Variants in ARFRP1 observed in about 807,000 individuals in gnomAD.
ARFRP1 encodes ADP-ribosylation factor-related protein 1.
Under a neutral mutation model 30.3 loss-of-function variants are expected in ARFRP1, and 19 were observed. That is an observed-to-expected ratio of 0.63 (90% CI 0.44 to 0.92). The LOEUF is 0.92. Among genes scored for constraint, ARFRP1 ranks in the 40% least tolerant of loss-of-function variants. The probability of loss-of-function intolerance (pLI) is 0.00; values close to 1 mark genes in which losing one functional copy is unlikely to be tolerated. For missense variants in ARFRP1, 245 were observed against 267.5 expected, an observed-to-expected ratio of 0.92 and a Z score of 0.59; for synonymous variants, 133 against 114.2, an observed-to-expected ratio of 1.16 and a Z score of -1.05.
chr20:63,701,112 C>T (rs960932725), intron 6 of ARFRP1: 1 of 410,312 alleles, frequency 2.4e-6, no homozygotes, highest in East Asian at 7.1e-5. Context: ...GTGGCTTCTG[C>T]TCACAACCAC....
intron 5 of ARFRP1, 118 bp from the exon 6 acceptor site, chr20:63,702,018 C>T: frequency 8.1e-7 from 1 of 1,238,642 alleles, no homozygotes; most frequent in Non-Finnish European, 1.1e-6. Context: ...CCCCCGTCAC[C>T]CACTAGGCAG....
At position 63,700,656 on chromosome 20, in the gene ARFRP1, G is replaced by A. The variant is rs376358129; in HGVS notation, c.464C>T (p.Thr155Ile). The change falls in exon 7 of 8, where the codon ACC becomes ATC. Residue 155 changes from threonine to isoleucine, a missense_variant. Transcript: ENST00000622789. ...GCAATCTCGCCTGCCGATCTTGCTG[G>A]TGCAGTCGCTGAAGGCCGTCTTGAT... The part of the protein sequence containing the change: ...PDIKTAFSDC[T>I]SKIGRRDCLT... The A allele has an allele frequency of 4.3e-6, 7 of 1,610,914 alleles. No individual in the cohort carries two copies. Among genetic ancestry groups the A allele is most frequent in the Non-Finnish European group, 5.9e-6 (7 of 1,179,880 alleles).
chr20:63,699,952 T>C lies in ARFRP1; in HGVS notation c.*491A>G. Reference sequence around the variant, plus strand: ...GCCTTTGGGAACATGGCCTGGGTCTTCCTCAAGGCAAGATCAGCCCCAGAC... The same window carrying C: ...GCCTTTGGGAACATGGCCTGGGTCTCCCTCAAGGCAAGATCAGCCCCAGAC... On this transcript the variant is annotated 3_prime_UTR_variant, in exon 8 of 8. Coordinates refer to ENST00000622789, the MANE Select transcript of ARFRP1 (RefSeq NM_001267547.3). 1 of 188,108 alleles carries C rather than the reference T, an allele frequency of 5.3e-6. No homozygotes were observed. Among genetic ancestry groups the C allele is most frequent in the South Asian group, 1.0e-4 (1 of 9,854 alleles). The allele number at this position is 188,108 out of a possible 1,614,324, so 11.7% of individuals were successfully genotyped here. A position where few individuals can be genotyped will look rare whatever the true frequency, so the allele number is the denominator to read the frequency against.
At chr20:63,706,786 G>A in intron 2 of ARFRP1, 48 bp from the exon 3 acceptor site, 1 of 1,462,788 alleles carries the variant, frequency 6.8e-7, no homozygotes. Context: ...GGCTATACTG[G>A]CTTCCAAATA....
chr20:63,702,341 C>G, intron 4 of ARFRP1, 124 bp from the exon 5 acceptor site: 1 of 856,490 alleles, frequency 1.2e-6, no homozygotes, highest in Middle Eastern at 2.4e-4. Context: ...CAGCCCCCAA[C>G]TGCAAGACCC....
intron 6 of ARFRP1, chr20:63,701,090 T>G (rs546385585): frequency 1.6e-4 from 63 of 400,824 alleles, no homozygotes; most frequent in African/African-American, 1.2e-3. Context: ...ATGGAGGCAG[T>G]CTGCAGTCAT....
rs2091062477 is a variant in ARFRP1, at chr20:63,699,083, C to T, written c.*1360G>A. 1.3e-5 allele frequency: 2 copies of T among 152,348 alleles called. No homozygotes were observed. Among genetic ancestry groups the T allele is most frequent in the South Asian group, 4.1e-4 (2 of 4,832 alleles). The allele number at this position is 152,348 out of a possible 1,614,324, so 9.4% of individuals were successfully genotyped here. ...ATGCTTTCCGGGAAGTGAAGCTTCT[C>T]CCTCTCTGGGGCAGGCTCTGAAGCC... is the stretch of plus-strand genomic sequence containing the variant. On this transcript the variant is annotated 3_prime_UTR_variant, in exon 8 of 8. Coordinates refer to ENST00000622789, the MANE Select transcript of ARFRP1 (RefSeq NM_001267547.3).
chr20:63,701,998 G>GGGCCCC, intron 5 of ARFRP1, 98 bp from the exon 6 acceptor site: 1 of 583,916 alleles, frequency 1.7e-6, no homozygotes, highest in Non-Finnish European at 2.6e-6. Flanking sequence ...CACTCCCTCT[G>GGGCCCC]CCCCCCCCCC....
Position 63,700,040 on chromosome 20 carries a change from C to G in ARFRP1, c.*403G>C, listed in dbSNP as rs1045841282. 1 of 259,662 alleles carries G rather than the reference C, an allele frequency of 3.9e-6. No individual in the cohort carries two copies. Among genetic ancestry groups the G allele is most frequent in the Non-Finnish European group, 7.6e-6 (1 of 131,056 alleles). The allele number at this position is 259,662 out of a possible 1,614,324, so 16.1% of individuals were successfully genotyped here. On this transcript the variant is annotated 3_prime_UTR_variant, in exon 8 of 8. Transcript: ENST00000622789. ...GAAGCCAGATGGCAGCCATGGCTGA[C>G]GGGCCTCCTCCTCGATGGGGCGGAG... is the stretch of plus-strand genomic sequence containing the variant.
chr20:63,701,451 A>C, intron 6 of ARFRP1: 1 of 492,448 alleles, frequency 2.0e-6, no homozygotes, highest in East Asian at 5.1e-5. Flanking sequence ...GGGTAGCAGG[A>C]ACAGGTAAGG....
rs551852351 is a variant in ARFRP1, at chr20:63,699,655, G to C, written c.*788C>G. 1 of 152,828 alleles carries C rather than the reference G, an allele frequency of 6.5e-6. No homozygotes were observed. Among genetic ancestry groups the C allele is most frequent in the Admixed American group, 6.5e-5 (1 of 15,328 alleles). 9.5% of individuals were successfully genotyped at this position (152,828 alleles called of 1,614,324 possible). On this transcript the variant is annotated 3_prime_UTR_variant, in exon 8 of 8. Coordinates refer to ENST00000622789, the MANE Select transcript of ARFRP1 (RefSeq NM_001267547.3). ...GGACCCCAGGACCAGCCTTACTCCC[G>C]AGCAGGGGACACAGGGCCCCACAGA...
intron 2 of ARFRP1, 80 bp from the exon 3 acceptor site, chr20:63,706,818 TAA>T: frequency 1.5e-6 from 2 of 1,355,726 alleles, no homozygotes; most frequent in East Asian, 2.3e-5. Context: ...GTCTGTTCTT[TAA>T]AAGACAGAAA....
rs149605591 is a variant in ARFRP1, at chr20:63,700,494, C to T, written c.555G>A (p.Lys185=). The part of the protein sequence containing the change: ...GVREGIEWMV[K]CVVRNVHRPP... Reference sequence around the variant, plus strand: ...GCCGGTGCACATTCCGCACGACACACTTCACCATCCACTCGATGCCCTCGC... The same window carrying T: ...GCCGGTGCACATTCCGCACGACACATTTCACCATCCACTCGATGCCCTCGC... Residue 185 remains lysine (K), a synonymous_variant, in exon 8 of 8, where the codon AAG becomes AAA. Transcript: ENST00000622789. 1.7e-5 allele frequency: 27 copies of T among 1,610,668 alleles called. No homozygotes were observed. The African/African-American group carries it at 3.2e-4, about 19-fold the overall frequency.
At position 63,700,303 on chromosome 20, in the gene ARFRP1, T is replaced by C; in HGVS notation, c.*140A>G. ...CGCTTTTCCAGACATAGAGGAAAGT[T>C]TGTCTTCGAGAAAACAAAGTAAATA... On this transcript the variant is annotated 3_prime_UTR_variant, in exon 8 of 8. Coordinates refer to ENST00000622789, the MANE Select transcript of ARFRP1 (RefSeq NM_001267547.3). The C allele has an allele frequency of 3.1e-6, 4 of 1,275,274 alleles. No individual in the cohort carries two copies. Among genetic ancestry groups the C allele is most frequent in the Non-Finnish European group, 3.2e-6 (3 of 932,960 alleles). The allele number at this position is 1,275,274 out of a possible 1,614,324, so 79.0% of individuals were successfully genotyped here.
Position 63,706,657 on chromosome 20 carries a change from G to C in ARFRP1, c.175C>G (p.Leu59Val). Residue 59 changes from leucine (L) to valine (V), a missense_variant, in exon 3 of 8, where the codon CTA (leucine) becomes GTA (valine). Leu to Val is a conservative substitution (Grantham distance 32). Transcript: ENST00000622789. ...SLSKITTTVG[L>V]NIGTVDVGKA... is the part of the protein sequence containing the mutation. ...CTGCTATTGAGACCCTTACTGTTTA[G>C]GCCCACGGTGGTGGTGATTTTGGAT... The C allele has an allele frequency of 6.2e-7, 1 of 1,611,018 alleles. No homozygotes were observed. Among genetic ancestry groups the C allele is most frequent in the Non-Finnish European group, 8.5e-7 (1 of 1,177,168 alleles).
Position 63,701,896 on chromosome 20 carries a change from C to G in ARFRP1, c.351G>C (p.Lys117Asn), listed in dbSNP as rs1323482706. ...RLAESKQAFE[K>N]VVTSEALCGV... Reference sequence around the variant, plus strand: ...CGCACAGCGCCTCGCTGGTCACCACCTTCTCTGGGGAGGGCAGGAGAGGCA... The same window carrying G: ...CGCACAGCGCCTCGCTGGTCACCACGTTCTCTGGGGAGGGCAGGAGAGGCA... Residue 117 changes from lysine to asparagine, a missense_variant, in exon 6 of 8, where the codon AAG becomes AAC. Physicochemically the swap from Lys to Asn is moderately conservative, Grantham distance 94. Coordinates refer to ENST00000622789, the MANE Select transcript of ARFRP1 (RefSeq NM_001267547.3). The G allele has an allele frequency of 3.2e-6, 5 of 1,549,856 alleles. No individual in the cohort carries two copies. Among genetic ancestry groups the G allele is most frequent in the Non-Finnish European group, 4.4e-6 (5 of 1,146,896 alleles).
chr20:63,707,166 G>T, intron 1 of ARFRP1, 69 bp from the exon 2 acceptor site: 2 of 1,380,872 alleles, frequency 1.4e-6, no homozygotes, highest in Non-Finnish European at 1.0e-6. Flanking sequence ...TCTCCACGGT[G>T]GTCAGTGGCG....
At chr20:63,703,094 C>A (rs1366798158) in intron 4 of ARFRP1, 1 of 152,346 alleles carries the variant, frequency 6.6e-6, no homozygotes, top group Non-Finnish European at 1.5e-5. Flanking sequence ...GTGGAGCAGA[C>A]AACAGCTCAC....
chr20:63,700,195 G>C lies in ARFRP1; in HGVS notation c.*248C>G. On this transcript the variant is annotated 3_prime_UTR_variant, in exon 8 of 8. Coordinates refer to ENST00000622789, the MANE Select transcript of ARFRP1 (RefSeq NM_001267547.3). The stretch of plus-strand genomic sequence containing the variant: ...CCAGAAAGGGCCTCGAAAGGCCGCC[G>C]CTGCGCCCTGTGGAAAGGCTGCCGC... 1 of 546,298 alleles carries C rather than the reference G, an allele frequency of 1.8e-6. No homozygotes were observed. The highest frequency in any genetic ancestry group is 2.0e-5 in the South Asian group (1 of 49,552). The allele number at this position is 546,298 out of a possible 1,614,324, so 33.8% of individuals were successfully genotyped here.
Sources: allele counts gnomAD v4.1 joint callset, GRCh38; gene constraint gnomAD v4.1.1; transcripts MANE v1.5; gene names NCBI Gene and HGNC (gene_info 2026-07-23, HGNC 2026-07-21).